CSNK2A2IP: variants seen among roughly 807,000 people sequenced by gnomAD.
CSNK2A2IP encodes casein kinase 2 subunit alpha' interacting protein.
the CSNK2A2IP span, among the ~76,000 whole-genome samples, chr3:88,386,763 A>G: frequency 3.3e-5 from 5 of 152,326 alleles, no homozygotes; most frequent in Non-Finnish European, 5.9e-5. Context: ...TTAATACAGT[A>G]TAGTTATTGG....
the CSNK2A2IP span, among the ~76,000 whole-genome samples, chr3:88,449,870 T>TAGAGAGAGAGAGAGAGAGAGAGAGAG: frequency 2.4e-5 from 2 of 81,702 alleles, no homozygotes; most frequent in Non-Finnish European, 5.7e-5. Context: ...TATATATATA[T>TAGAGAGAGAGAGAGAGAGAGAGAGAG]ATATAGAGAG....
At chr3:88,347,781 T>G in the CSNK2A2IP span, among the ~76,000 whole-genome samples, 3 of 151,958 alleles carry the variant, frequency 2.0e-5, no homozygotes, top group African/African-American at 7.2e-5. Flanking sequence ...TTCAAGATGA[T>G]TTACTGTTTT....
At chr3:88,410,093 C>A in the CSNK2A2IP span, among the ~76,000 whole-genome samples, 16,809 of 151,910 alleles carry the variant, frequency 0.11, 1,130 homozygotes, top group East Asian at 0.23. Flanking sequence ...AGAAAGATTC[C>A]AAATTTTGTT....
chr3:88,427,456 G>A, the CSNK2A2IP span, among the ~76,000 whole-genome samples: 1 of 152,208 alleles, frequency 6.6e-6, no homozygotes, highest in Non-Finnish European at 1.5e-5. Flanking sequence ...TTAGTCATCA[G>A]GACAAGGGGG....
the CSNK2A2IP span, among the ~76,000 whole-genome samples, chr3:88,411,639 G>A: frequency 6.6e-6 from 1 of 151,736 alleles, no homozygotes; most frequent in Non-Finnish European, 1.5e-5. Flanking sequence ...TTCAGTTTGT[G>A]AAAAATTTTT....
chr3:88,365,373 G>A, the CSNK2A2IP span, among the ~76,000 whole-genome samples: 11 of 152,118 alleles, frequency 7.2e-5, no homozygotes, highest in Admixed American at 7.2e-4. Context: ...CCATGATATT[G>A]GCTGAAATGG....
the CSNK2A2IP span, among the ~76,000 whole-genome samples, chr3:88,462,507 A>AAG: frequency 1.3e-5 from 2 of 152,134 alleles, no homozygotes; most frequent in African/African-American, 4.8e-5. Flanking sequence ...AAAGAAGGCA[A>AAG]AGAGAGAGAG....
the CSNK2A2IP span, among the ~76,000 whole-genome samples, chr3:88,395,828 T>A: frequency 6.6e-6 from 1 of 152,226 alleles, no homozygotes; most frequent in South Asian, 2.1e-4. Flanking sequence ...TTTTGTTAAG[T>A]ATACTCCTGT....
the CSNK2A2IP span, among the ~76,000 whole-genome samples, chr3:88,377,385 T>G: frequency 1.3e-5 from 2 of 151,898 alleles, no homozygotes; most frequent in African/African-American, 4.8e-5. Context: ...CTGTTTATTC[T>G]AGCTCTGTTA....
the CSNK2A2IP span, among the ~76,000 whole-genome samples, chr3:88,355,292 G>A: frequency 1.3e-5 from 2 of 152,242 alleles, no homozygotes; most frequent in South Asian, 4.1e-4. Context: ...TGGGTACACA[G>A]AATGAAGAAA....
At chr3:88,352,377 A>G in the CSNK2A2IP span, among the ~76,000 whole-genome samples, 11 of 152,136 alleles carry the variant, frequency 7.2e-5, no homozygotes, top group East Asian at 1.2e-3. Flanking sequence ...AAACTAACTC[A>G]TTTTTTGAGG....
chr3:88,369,603 A>G, the CSNK2A2IP span, among the ~76,000 whole-genome samples: 225 of 152,068 alleles, frequency 1.5e-3, no homozygotes, highest in Non-Finnish European at 2.8e-3. Context: ...GCACCACCAA[A>G]GAGCTGAAAT....
At chr3:88,379,351 G>A in the CSNK2A2IP span, among the ~76,000 whole-genome samples, 1 of 152,088 alleles carries the variant, frequency 6.6e-6, no homozygotes, top group Non-Finnish European at 1.5e-5. Flanking sequence ...GGTTAATTGA[G>A]GCGGTAGATA....
the CSNK2A2IP span, among the ~76,000 whole-genome samples, chr3:88,419,959 G>GA: frequency 1.3e-5 from 2 of 152,148 alleles, no homozygotes; most frequent in Non-Finnish European, 2.9e-5. Context: ...CAGCAAAGAG[G>GA]AAAAAAACCA....
the CSNK2A2IP span, among the ~76,000 whole-genome samples, chr3:88,443,068 G>A: frequency 6.6e-6 from 1 of 151,942 alleles, no homozygotes; most frequent in Non-Finnish European, 1.5e-5. Flanking sequence ...CCTACCTTAG[G>A]TACCCCAGTC....
At chr3:88,357,562 G>T in the CSNK2A2IP span, among the ~76,000 whole-genome samples, 259 of 152,132 alleles carry the variant, frequency 1.7e-3, 2 homozygotes, top group African/African-American at 6.1e-3. Context: ...ACTATTTTGG[G>T]TCTTTTGAGG....
chr3:88,441,991 TAA>T, the CSNK2A2IP span, among the ~76,000 whole-genome samples: 2 of 152,124 alleles, frequency 1.3e-5, no homozygotes, highest in African/African-American at 4.8e-5. Context: ...TGGGAGGTTT[TAA>T]AAAAATTTTA....
the CSNK2A2IP span, among the ~76,000 whole-genome samples, chr3:88,390,638 C>T: frequency 6.6e-6 from 1 of 152,146 alleles, no homozygotes; most frequent in Non-Finnish European, 1.5e-5. Flanking sequence ...AAGTTGTATG[C>T]TTTGTAGGTA....
chr3:88,355,446 A>T, the CSNK2A2IP span, among the ~76,000 whole-genome samples: 2 of 152,054 alleles, frequency 1.3e-5, no homozygotes, highest in Admixed American at 1.3e-4. Flanking sequence ...AAAGCAAAAA[A>T]AATCTGCATT....
Sources: allele counts gnomAD v4.1 joint callset (sites outside exome capture counted in the v4.1 genomes callset), GRCh38; gene constraint gnomAD v4.1.1; transcripts MANE v1.5; gene names NCBI Gene and HGNC (gene_info 2026-07-23, HGNC 2026-07-21).